BTBD9: variants seen among roughly 807,000 people sequenced by gnomAD.
BTBD9 encodes the protein BTB domain containing 9.
Under a neutral mutation model 64.3 loss-of-function variants are expected in BTBD9, and 49 were observed. The ratio of observed to expected loss-of-function variants is 0.76; its 90% confidence interval spans 0.61 to 0.97. The LOEUF (loss-of-function observed/expected upper bound fraction) is 0.97. BTBD9 is among the 50% of genes least tolerant of loss of function. The pLI is 0.00. For missense variants in BTBD9, 598 were observed against 762.1 expected (o/e 0.78, Z 2.53); for synonymous variants, 260 against 274.7 (o/e 0.95, Z 0.53).
At chr6:38,601,758 T>C (rs1013347462) in intron 1 of BTBD9, among the ~76,000 whole-genome samples, 1 of 151,546 alleles carries the variant, frequency 6.6e-6, no homozygotes, top group African/African-American at 2.4e-5. Context: ...GGCAAAAAAA[T>C]CAATATTTGC....
Position 38,371,490 on chromosome 6 carries a change from C to T in BTBD9, c.1155-26397G>A, listed in dbSNP as rs72851453. On this transcript the variant is annotated intron_variant, in intron 6 of 10. Transcript: ENST00000481247. ...TCTCATCCAGCACATGACAGACAGG[C>T]CCATTCTGCCCAGTGGTGTTTGCGA... Among the ~76,000 whole-genome samples the T allele has an allele frequency of 7.6e-3, 1,154 of 152,254 alleles. 4 individuals are homozygous for T. Among genetic ancestry groups the T allele is most frequent in the Middle Eastern group, 0.017 (5 of 294 alleles).
At chr6:38,442,575 T>TCA (rs1769083700) in intron 6 of BTBD9, among the ~76,000 whole-genome samples, 1 of 151,478 alleles carries the variant, frequency 6.6e-6, no homozygotes, top group Non-Finnish European at 1.5e-5. Flanking sequence ...CCCAGAAGCT[T>TCA]CACCCAGTCC....
chr6:38,198,234 A>G (rs542405636), intron 9 of BTBD9, among the ~76,000 whole-genome samples: 1 of 152,214 alleles, frequency 6.6e-6, no homozygotes, highest in Non-Finnish European at 1.5e-5. Flanking sequence ...AGATGGAATT[A>G]GCTAAACTAT....
intron 6 of BTBD9, among the ~76,000 whole-genome samples, chr6:38,448,756 G>C (rs966552109): frequency 6.6e-6 from 1 of 152,170 alleles, no homozygotes; most frequent in Non-Finnish European, 1.5e-5. Flanking sequence ...GGCCTCAAGT[G>C]ATCCGCCTGC....
At chr6:38,552,469 T>A (rs570590379) in intron 6 of BTBD9, among the ~76,000 whole-genome samples, 1 of 152,108 alleles carries the variant, frequency 6.6e-6, no homozygotes, top group Non-Finnish European at 1.5e-5. Flanking sequence ...GCTGGCCCAA[T>A]CTCAAAGATT....
intron 1 of BTBD9, among the ~76,000 whole-genome samples, chr6:38,611,199 AG>A (rs1193640810): frequency 3.9e-5 from 6 of 152,320 alleles, no homozygotes; most frequent in African/African-American, 7.2e-5. Flanking sequence ...ACACAGACAT[AG>A]AAAAAAGAAT....
At chr6:38,264,823 C>T (rs190800861) in intron 8 of BTBD9, among the ~76,000 whole-genome samples, 4 of 152,110 alleles carry the variant, frequency 2.6e-5, no homozygotes, top group Admixed American at 2.6e-4. Context: ...GTAGACCAGG[C>T]GGCTGCCCTG....
rs554943893 is a variant in BTBD9 at position 38,432,282 on chromosome 6, G to C, written c.1155-87189C>G. 2.0e-5 allele frequency among the ~76,000 whole-genome samples: 3 copies of C among 152,158 alleles called. No individual in the cohort carries two copies. In the South Asian group the frequency reaches 6.2e-4, roughly 31 times the overall value. On this transcript the variant is annotated intron_variant, in intron 6 of 10. Transcript: ENST00000481247. ...ATAGTTCTGAAACTGCCTTTGCAAA[G>C]ATCATGACAGTGAGAGAAATCTCGC...
intron 7 of BTBD9, among the ~76,000 whole-genome samples, chr6:38,319,759 GAGA>G (rs1464343291): frequency 6.6e-6 from 1 of 151,906 alleles, no homozygotes; most frequent in Non-Finnish European, 1.5e-5. Context: ...CTGGGGTTGG[GAGA>G]AGGATGGTGC....
At chr6:38,283,170 T>C (rs1330540398) in intron 8 of BTBD9, among the ~76,000 whole-genome samples, 4 of 152,200 alleles carry the variant, frequency 2.6e-5, no homozygotes, top group Non-Finnish European at 5.9e-5. Flanking sequence ...CCACTGACCA[T>C]GCTTACTTAG....
At chr6:38,328,968 ATGTGTGTGTGTGTGTGTG>A (rs70981541) in intron 7 of BTBD9, among the ~76,000 whole-genome samples, 268 of 127,374 alleles carry the variant, frequency 2.1e-3, no homozygotes, top group African/African-American at 4.0e-3. Flanking sequence ...GAAAGAAAAT[ATGTGTGTGTGTGTGTGTG>A]TGTGTGTGTG....
rs146726057 is a variant in BTBD9 at position 38,286,422 on chromosome 6, G to A, written c.1454+1850C>T. 2.7e-3 allele frequency among the ~76,000 whole-genome samples: 416 copies of A among 152,244 alleles called. 6 individuals carry two copies. Among genetic ancestry groups the A allele is most frequent in the African/African-American group, 9.5e-3 (396 of 41,548 alleles). ...TCAAATGAGAACAGGAAACAACAAA[G>A]CAAATGTGGTGGAACATTATGGGGG... On this transcript the variant is annotated intron_variant, in intron 8 of 10. Coordinates refer to ENST00000481247, the MANE Select transcript of BTBD9 (RefSeq NM_001099272.2).
chr6:38,338,850 T>G (rs1175114440), intron 7 of BTBD9, among the ~76,000 whole-genome samples: 1 of 152,152 alleles, frequency 6.6e-6, no homozygotes, highest in Non-Finnish European at 1.5e-5. Flanking sequence ...AAATGGCCCT[T>G]AAACATATGA....
At chr6:38,594,463 G>A in intron 2 of BTBD9, 136 bp from the exon 3 acceptor site, 1 of 1,081,440 alleles carries the variant, frequency 9.2e-7, no homozygotes, top group Non-Finnish European at 1.3e-6. Context: ...AAAATGCAAA[G>A]TAATCATTTA....
intron 6 of BTBD9, among the ~76,000 whole-genome samples, chr6:38,463,287 T>G (rs1044749840): frequency 6.6e-6 from 1 of 152,244 alleles, no homozygotes; most frequent in African/African-American, 2.4e-5. Context: ...GTGGATTCCA[T>G]TGGATTTTCT....
In BTBD9 at chr6:38,512,225, G is replaced by A. The variant is rs994025743; in HGVS notation, c.1154+65375C>T. Reference sequence around the variant, plus strand: ...CGATCTCAGGTGATCTGCCCGCCTCGGCCTCCCAAAGTGCTGAGATTACAG... The same window carrying A: ...CGATCTCAGGTGATCTGCCCGCCTCAGCCTCCCAAAGTGCTGAGATTACAG... On this transcript the variant is annotated intron_variant, in intron 6 of 10. Transcript: ENST00000481247. Among the ~76,000 whole-genome samples the A allele has an allele frequency of 5.3e-5, 8 of 151,994 alleles. No homozygotes were observed. The East Asian group carries it at 9.7e-4, about 18-fold the overall frequency.
intron 6 of BTBD9, among the ~76,000 whole-genome samples, chr6:38,355,054 A>G (rs1227263922): frequency 1.3e-5 from 2 of 152,156 alleles, no homozygotes; most frequent in Non-Finnish European, 2.9e-5. Flanking sequence ...GTGGAAGCCT[A>G]TACTCCAGTT....
chr6:38,555,077 C>T (rs939327213), intron 6 of BTBD9, among the ~76,000 whole-genome samples: 1 of 152,126 alleles, frequency 6.6e-6, no homozygotes, highest in Non-Finnish European at 1.5e-5. Context: ...TTATGTAATG[C>T]CTTTTGATTT....
At chr6:38,409,881 T>C (rs942801051) in intron 6 of BTBD9, among the ~76,000 whole-genome samples, 1 of 151,830 alleles carries the variant, frequency 6.6e-6, no homozygotes, top group African/African-American at 2.4e-5. Context: ...TTATGGGTGG[T>C]TGTACAAGTG....
Sources: gnomAD v4.1 joint callset for allele counts (sites outside exome capture counted in the v4.1 genomes callset) on GRCh38, gnomAD v4.1.1 for gene constraint, MANE v1.5 for transcripts, NCBI Gene and HGNC (gene_info 2026-07-23, HGNC 2026-07-21) for gene names.